Variants in PCSK5 observed in about 807,000 individuals in gnomAD.
PCSK5 encodes the protein proprotein convertase subtilisin/kexin type 5, also known as prohormone convertase 5.
A neutral mutation model predicts 233.2 loss-of-function variants in PCSK5; 129 were observed. The observed-to-expected ratio is 0.55, with a 90% CI of 0.48 to 0.64. The LOEUF (loss-of-function observed/expected upper bound fraction) is 0.64. Among genes scored for constraint, PCSK5 ranks in the 30% least tolerant of loss-of-function variants. PCSK5 has a pLI of 0.00. For missense variants in PCSK5, 2,076 were observed against 2,430.1 expected (o/e 0.85, Z 3.06); for synonymous variants, 825 against 879.2 (o/e 0.94, Z 1.09).
intron 5 of PCSK5, among the ~76,000 whole-genome samples, chr9:76,033,137 A>C (rs914324467): frequency 1.3e-5 from 2 of 152,150 alleles, no homozygotes; most frequent in African/African-American, 4.8e-5. Flanking sequence ...TCCCTTTCCC[A>C]TTTCTGTAGA....
intron 9 of PCSK5, among the ~76,000 whole-genome samples, chr9:76,129,757 G>A (rs2131736546): frequency 6.6e-6 from 1 of 152,128 alleles, no homozygotes; most frequent in South Asian, 2.1e-4. Flanking sequence ...GTTGCACTTA[G>A]CCCAACAAGA....
intron 1 of PCSK5, among the ~76,000 whole-genome samples, chr9:75,918,955 A>G (rs1425957455): frequency 6.6e-6 from 1 of 152,070 alleles, no homozygotes; most frequent in Non-Finnish European, 1.5e-5. Flanking sequence ...TTCTCTGTAG[A>G]GTTAAAAAAA....
At chr9:76,286,076 G>A (rs1828053796) in intron 24 of PCSK5, among the ~76,000 whole-genome samples, 1 of 152,140 alleles carries the variant, frequency 6.6e-6, no homozygotes, top group African/African-American at 2.4e-5. Flanking sequence ...ACCTTTTGGA[G>A]ATTATAAAAT....
At chr9:76,142,137 TAAAA>T (rs1362858589) in intron 10 of PCSK5, among the ~76,000 whole-genome samples, 1 of 151,668 alleles carries the variant, frequency 6.6e-6, no homozygotes, top group Non-Finnish European at 1.5e-5. Flanking sequence ...AAATAAAAGT[TAAAA>T]AAAGTAATGT....
intron 1 of PCSK5, among the ~76,000 whole-genome samples, chr9:75,893,335 C>T (rs1825687498): frequency 6.6e-6 from 1 of 152,134 alleles, no homozygotes; most frequent in African/African-American, 2.4e-5. Context: ...CTGACTGTTG[C>T]AGGCCCAGTC....
intron 1 of PCSK5, among the ~76,000 whole-genome samples, chr9:75,913,019 C>T (rs2131235752): frequency 6.6e-6 from 1 of 152,332 alleles, no homozygotes; most frequent in African/African-American, 2.4e-5. Context: ...CTCCCTGACT[C>T]AGGTGGCTGT....
intron 20 of PCSK5, chr9:76,209,458 G>C (rs2131282875): frequency 2.0e-6 from 1 of 497,220 alleles, no homozygotes; most frequent in Non-Finnish European, 4.0e-6. Context: ...AAGGAGATCT[G>C]TGTTTTGCCT....
chr9:75,939,522 T>C (rs981465809), intron 2 of PCSK5, among the ~76,000 whole-genome samples: 4 of 152,222 alleles, frequency 2.6e-5, no homozygotes, highest in Non-Finnish European at 4.4e-5. Flanking sequence ...GAATATTGGA[T>C]GGAAGCTCTT....
chr9:76,004,147 G>T (rs1388353087), intron 3 of PCSK5, among the ~76,000 whole-genome samples: 1 of 152,054 alleles, frequency 6.6e-6, no homozygotes, highest in Non-Finnish European at 1.5e-5. Context: ...CTGCCTTATT[G>T]CAGGAATGGG....
Position 76,295,535 on chromosome 9 carries a change from G to C in PCSK5, c.3322+124G>C, listed in dbSNP as rs1042359555. On this transcript the variant is annotated intron_variant, in intron 26 of 37. Transcript: ENST00000674117. ...GTGCGTGTGGGCACCTCTGGCCCAA[G>C]GAGAAATTTTAATTTGGTTTAGAAA... 6.5e-6 allele frequency: 5 copies of C among 763,694 alleles called. No homozygotes were observed. The African/African-American group carries it at 8.9e-5, about 14-fold the overall frequency. The allele number at this position is 763,694 out of a possible 1,614,324, so 47.3% of individuals were successfully genotyped here. A position where few individuals can be genotyped will look rare whatever the true frequency, so the allele number is the denominator to read the frequency against.
chr9:76,264,172 C>T (rs1309249551), intron 24 of PCSK5, among the ~76,000 whole-genome samples: 2 of 152,058 alleles, frequency 1.3e-5, no homozygotes, highest in African/African-American at 2.4e-5. Context: ...CAGCCATCTG[C>T]TCTGCAACAA....
intron 5 of PCSK5, among the ~76,000 whole-genome samples, chr9:76,042,285 A>G (rs1829155191): frequency 6.6e-6 from 1 of 152,244 alleles, no homozygotes; most frequent in African/African-American, 2.4e-5. Flanking sequence ...TGATATTCCA[A>G]ACTTTTGTGT....
chr9:76,331,609 G>A (rs1479089182), intron 33 of PCSK5, among the ~76,000 whole-genome samples: 4 of 151,014 alleles, frequency 2.6e-5, no homozygotes, highest in Admixed American at 6.6e-5. Flanking sequence ...GGAGCTTGCA[G>A]TGAGCCAAGA....
chr9:76,286,917 A>G, intron 24 of PCSK5: 1 of 243,890 alleles, frequency 4.1e-6, no homozygotes, highest in Non-Finnish European at 7.9e-6. Context: ...ACTTCTCTAC[A>G]GCCACTTGTG....
At chr9:76,151,447 C>T (rs937590392) in intron 10 of PCSK5, among the ~76,000 whole-genome samples, 4 of 152,178 alleles carry the variant, frequency 2.6e-5, no homozygotes, top group African/African-American at 9.7e-5. Context: ...TGGTCTCACC[C>T]TCTATTCCCT....
At chr9:76,264,608 A>G (rs150943072) in intron 24 of PCSK5, among the ~76,000 whole-genome samples, 130 of 152,322 alleles carry the variant, frequency 8.5e-4, no homozygotes, top group Non-Finnish European at 1.7e-3. Context: ...AAAGACATGA[A>G]CAGACACTTC....
chr9:76,317,452 A>G (rs1248543120), intron 30 of PCSK5, among the ~76,000 whole-genome samples: 1 of 152,262 alleles, frequency 6.6e-6, no homozygotes, highest in African/African-American at 2.4e-5. Context: ...TACTGAATGC[A>G]TACAGTAAAT....
At position 76,133,715 on chromosome 9, in the gene PCSK5, G is replaced by A. The variant is rs148308499; in HGVS notation, c.1209-394G>A. ...ACTATTCAATGATTAAAGAAGAAAC[G>A]TTTCAGAGGCCTTCTGTTTTGATTT... On this transcript the variant is annotated intron_variant, in intron 9 of 37. Transcript: ENST00000674117. 7.2e-5 allele frequency among the ~76,000 whole-genome samples: 11 copies of A among 152,098 alleles called. No homozygotes were observed. The East Asian group carries it at 1.9e-3, about 27-fold the overall frequency.
rs71372041 is a variant in PCSK5, at chr9:76,046,160, G to GTTTTTTTTTTTTTTTTTTTTTT, written c.632+19137_632+19158dup. ...GCATTAACACATAATTTTTTCTTTTGTTTTTTTTTTTTTTTTTTTTTTTTT... is the reference window on the plus strand; with the variant it reads ...GCATTAACACATAATTTTTTCTTTTGTTTTTTTTTTTTTTTTTTTTTTTTTTTTTTTTTTTTTTTTTTTTTTT... On this transcript the variant is annotated intron_variant, in intron 5 of 37. Transcript: ENST00000674117. Among the ~76,000 whole-genome samples, 9 of 58,038 alleles carry GTTTTTTTTTTTTTTTTTTTTTT rather than the reference G, an allele frequency of 1.6e-4. 3 individuals are homozygous for GTTTTTTTTTTTTTTTTTTTTTT. The highest frequency in any genetic ancestry group is 2.6e-4 in the Admixed American group (1 of 3,774). 38.1% of individuals were successfully genotyped at this position (58,038 alleles called of 152,430 possible). A position where few individuals can be genotyped will look rare whatever the true frequency, so the allele number is the denominator to read the frequency against.
Sources: allele counts gnomAD v4.1 joint callset (sites outside exome capture counted in the v4.1 genomes callset), GRCh38; gene constraint gnomAD v4.1.1; transcripts MANE v1.5; gene names NCBI Gene and HGNC (gene_info 2026-07-23, HGNC 2026-07-21).